The following NUP107 variants were observed in gnomAD, a reference collection of about 807,000 sequenced individuals.
NUP107 encodes the protein nuclear pore complex protein Nup107.
A neutral mutation model predicts 141.0 loss-of-function variants in NUP107; 101 were observed. That is an observed-to-expected ratio of 0.72 (90% CI 0.61 to 0.84). The LOEUF (loss-of-function observed/expected upper bound fraction) is 0.84, where lower values mean the gene tolerates loss of function less well. Ranked by LOEUF, NUP107 falls within the 40% of genes least tolerant of loss-of-function variation. The probability of loss-of-function intolerance (pLI) is 0.00; values close to 1 mark genes in which losing one functional copy is unlikely to be tolerated. For missense variants in NUP107, 941 were observed against 1,102.7 expected (o/e 0.85, Z 2.08); for synonymous variants, 319 against 363.9 (o/e 0.88, Z 1.41).
At chr12:68,718,221 A>T (rs1275843416) in intron 12 of NUP107, among the ~76,000 whole-genome samples, 1 of 152,132 alleles carries the variant, frequency 6.6e-6, no homozygotes, top group Non-Finnish European at 1.5e-5. Flanking sequence ...CAGTAAAAGG[A>T]GTATATTTTC....
At chr12:68,738,514 C>G (rs1451871771) in intron 26 of NUP107, among the ~76,000 whole-genome samples, 1 of 151,862 alleles carries the variant, frequency 6.6e-6, no homozygotes, top group Non-Finnish European at 1.5e-5. Flanking sequence ...GGCAAGTGCA[C>G]ACAATATGTA....
Position 68,687,026 on chromosome 12 carries a change from C to G in NUP107, c.-40C>G. On this transcript the variant is annotated 5_prime_UTR_variant, in exon 1 of 28. Transcript: ENST00000229179. ...GGAAGGCTAAAACGCGGTAGCTAAA[C>G]TGCAGCCAACTTTGGTTGTGTGTGG... The G allele has an allele frequency of 4.3e-6, 7 of 1,614,092 alleles. No homozygotes were observed. The highest frequency in any genetic ancestry group is 5.9e-6 in the Non-Finnish European group (7 of 1,179,934).
At chr12:68,701,131 G>C (rs1416040357) in intron 7 of NUP107, among the ~76,000 whole-genome samples, 2 of 152,188 alleles carry the variant, frequency 1.3e-5, no homozygotes, top group Admixed American at 1.3e-4. Flanking sequence ...AGAGCTGAAA[G>C]TTAGACTTCA....
chr12:68,689,978 C>T (rs1319742530), intron 3 of NUP107: 2 of 170,070 alleles, frequency 1.2e-5, no homozygotes, highest in East Asian at 1.7e-4. Flanking sequence ...GCCAGGAGTT[C>T]AAGACTAGCT....
chr12:68,710,864 G>T (rs1444621455), intron 10 of NUP107, among the ~76,000 whole-genome samples: 1 of 152,072 alleles, frequency 6.6e-6, no homozygotes, highest in Non-Finnish European at 1.5e-5. Flanking sequence ...TTATGTAAAG[G>T]ATCTGAGCAC....
At chr12:68,723,074 C>T (rs912290181) in intron 17 of NUP107, among the ~76,000 whole-genome samples, 19 of 151,926 alleles carry the variant, frequency 1.3e-4, no homozygotes, top group African/African-American at 4.1e-4. Flanking sequence ...AAAATATATA[C>T]AATAAAAATA....
At chr12:68,736,901 C>T (rs971205795) in intron 26 of NUP107, among the ~76,000 whole-genome samples, 1 of 151,750 alleles carries the variant, frequency 6.6e-6, no homozygotes, top group African/African-American at 2.4e-5. Context: ...GGGATCTCAC[C>T]ATGTTGGCCA....
At chr12:68,705,604 A>G in intron 8 of NUP107, 1 of 440,274 alleles carries the variant, frequency 2.3e-6, no homozygotes, top group Non-Finnish European at 4.4e-6. Context: ...CGCCTAGCTC[A>G]GCCTGCCTGC....
chr12:68,730,214 C>CTTTTTTTTTTTTTTTTT lies in NUP107; in HGVS notation c.1735-891_1735-875dup, dbSNP rs756700880. 1.2e-4 allele frequency among the ~76,000 whole-genome samples: 10 copies of CTTTTTTTTTTTTTTTTT among 85,382 alleles called. 2 individuals carry two copies. The highest frequency in any genetic ancestry group is 5.4e-4 in the Admixed American group (3 of 5,516). The allele number at this position is 85,382 out of a possible 152,430, so 56.0% of individuals were successfully genotyped here. A position where few individuals can be genotyped will look rare whatever the true frequency, so the allele number is the denominator to read the frequency against. On this transcript the variant is annotated intron_variant, in intron 20 of 27. Transcript: ENST00000229179. ...CTCCTGCCCTCAGGGGTGATACTAC[C>CTTTTTTTTTTTTTTTTT]TTTTTTTTTTTTTTTTTTTTTGAGA...
At chr12:68,712,418 CAAAAAAAAAAAA>C (rs745430819) in intron 10 of NUP107, among the ~76,000 whole-genome samples, 34 of 63,832 alleles carry the variant, frequency 5.3e-4, no homozygotes, top group Non-Finnish European at 3.1e-5. Context: ...AACTCCATCT[CAAAAAAAAAAAA>C]AAAAAAAAAA....
At position 68,730,629 on chromosome 12, in the gene NUP107, C is replaced by G. The variant is rs957501323; in HGVS notation, c.1735-481C>G. On this transcript the variant is annotated intron_variant, in intron 20 of 27. Coordinates refer to ENST00000229179, the MANE Select transcript of NUP107 (RefSeq NM_020401.4). ...ATCGAAAAAAATCCACGGTTCAAAC[C>G]TGTGCAGTTTAAGAGCCAACTGTAC... 9.2e-5 allele frequency among the ~76,000 whole-genome samples: 14 copies of G among 152,312 alleles called. No individual in the cohort carries two copies. The South Asian group carries it at 1.2e-3, about 14-fold the overall frequency.
In NUP107 at chr12:68,710,032, G is replaced by T; in HGVS notation, c.829G>T (p.Ala277Ser). The T allele has an allele frequency of 6.3e-7, 1 of 1,598,330 alleles. No individual in the cohort carries two copies. Among genetic ancestry groups the T allele is most frequent in the South Asian group, 1.1e-5 (1 of 90,466 alleles). ...GGTGGTAGATTGGTTAGAGAGTATT[G>T]CCAAAGATGAAATTGGAGAATTTTC... Reference protein sequence around the residue: ...QLVVDWLESIAKDEIGEFSDN... With the variant: ...QLVVDWLESISKDEIGEFSDN... The change falls in exon 10 of 28, where the codon GCC becomes TCC. Residue 277 changes from alanine to serine, a missense_variant. Ala to Ser is a moderately conservative substitution (Grantham distance 99, BLOSUM62 1). Transcript: ENST00000229179.
chr12:68,719,556 A>T, intron 13 of NUP107, 22 bp from the exon 14 acceptor site: 1 of 1,595,320 alleles, frequency 6.3e-7, no homozygotes, highest in Non-Finnish European at 8.6e-7. Context: ...TAAACCAGAA[A>T]TTTTCTTTTG....
chr12:68,691,434 AAGT>A (rs748844632), intron 4 of NUP107, among the ~76,000 whole-genome samples: 25 of 152,370 alleles, frequency 1.6e-4, no homozygotes, highest in African/African-American at 4.1e-4. Context: ...AAATTGGAAA[AAGT>A]AGGTGAGATA....
chr12:68,732,808 T>A, intron 23 of NUP107, 69 bp downstream of exon 23: 1 of 1,053,896 alleles, frequency 9.5e-7, no homozygotes, highest in Non-Finnish European at 1.4e-6. Context: ...GCCTCCCAAG[T>A]AGCTGGGACT....
At chr12:68,695,005 A>G (rs1485387913) in intron 5 of NUP107, among the ~76,000 whole-genome samples, 22 of 152,238 alleles carry the variant, frequency 1.4e-4, no homozygotes, top group Admixed American at 1.3e-3. Context: ...GTCACTAATC[A>G]TTAGGAAAAT....
intron 12 of NUP107, among the ~76,000 whole-genome samples, chr12:68,717,923 A>G (rs1273412573): frequency 6.6e-6 from 1 of 152,172 alleles, no homozygotes; most frequent in Non-Finnish European, 1.5e-5. Context: ...ATATTCTTTA[A>G]CTAGTTGTAT....
At chr12:68,687,712 T>C (rs905167711) in intron 1 of NUP107, 30 of 902,176 alleles carry the variant, frequency 3.3e-5, no homozygotes, top group Non-Finnish European at 3.8e-5. Flanking sequence ...ACTCCAAACA[T>C]TGAGTACCTA....
intron 26 of NUP107, 45 bp from the exon 27 acceptor site, chr12:68,741,768 C>G (rs1878328607): frequency 6.4e-7 from 1 of 1,569,784 alleles, no homozygotes; most frequent in Non-Finnish European, 8.7e-7. Flanking sequence ...TTGTAAGGAT[C>G]TTTAGCTTAA....
Sources: allele counts gnomAD v4.1 joint callset (sites outside exome capture counted in the v4.1 genomes callset), GRCh38; gene constraint gnomAD v4.1.1; transcripts MANE v1.5; gene names NCBI Gene and HGNC (gene_info 2026-07-23, HGNC 2026-07-21).